Variants in RASEF observed in about 807,000 individuals in gnomAD.
The protein encoded by RASEF is ras and EF-hand domain-containing protein.
A neutral mutation model predicts 90.1 loss-of-function variants in RASEF; 68 were observed. That is an observed-to-expected ratio of 0.75 (90% CI 0.62 to 0.92). The LOEUF (loss-of-function observed/expected upper bound fraction) is 0.92, where lower values mean the gene tolerates loss of function less well. Among genes scored for constraint, RASEF ranks in the 40% least tolerant of loss-of-function variants. RASEF has a pLI of 0.00. For missense variants in RASEF, 949 were observed against 937.2 expected (o/e 1.01, Z -0.16); for synonymous variants, 331 against 345.2 (o/e 0.96, Z 0.46).
the RASEF span, among the ~76,000 whole-genome samples, chr9:83,117,251 C>A: frequency 1.3e-5 from 2 of 152,144 alleles, no homozygotes; most frequent in Non-Finnish European, 2.9e-5. Flanking sequence ...GAGAAGATGG[C>A]AGCCTCTCTC....
intron 1 of RASEF, chr9:83,055,418 G>C (rs151007842): frequency 1.7e-6 from 1 of 591,382 alleles, no homozygotes; most frequent in Non-Finnish European, 3.1e-6. Flanking sequence ...CACGGTGCGC[G>C]CACACACTGG....
the RASEF span, among the ~76,000 whole-genome samples, chr9:83,196,456 C>T: frequency 6.6e-6 from 1 of 152,178 alleles, no homozygotes; most frequent in Non-Finnish European, 1.5e-5. Context: ...CCCTGACTCT[C>T]ATCCACAGCA....
At chr9:83,151,615 G>C in the RASEF span, among the ~76,000 whole-genome samples, 5 of 152,226 alleles carry the variant, frequency 3.3e-5, no homozygotes, top group African/African-American at 1.2e-4. Flanking sequence ...AAGAGACTGA[G>C]TAGTTAAGTC....
the RASEF span, among the ~76,000 whole-genome samples, chr9:83,160,348 G>C: frequency 6.6e-6 from 1 of 152,158 alleles, no homozygotes; most frequent in Non-Finnish European, 1.5e-5. Context: ...ATGGAGATAA[G>C]CAACTTGTTG....
At position 83,062,621 on chromosome 9, in the gene RASEF, A is replaced by C; in HGVS notation, c.247T>G (p.Trp83Gly). 6.4e-7 allele frequency: 1 copy of C among 1,555,260 alleles called. No individual in the cohort carries two copies. The highest frequency in any genetic ancestry group is 8.7e-7 in the Non-Finnish European group (1 of 1,155,234). The change falls in exon 1 of 17, where the codon TGG (tryptophan) becomes GGG (glycine). Residue 83 changes from tryptophan (W) to glycine (G), a missense_variant. Physicochemically the swap from Trp to Gly is radical, Grantham distance 184. This residue lies in a region of RASEF where 656 missense variants were observed against 592.2 expected (regional missense o/e 1.11). Coordinates refer to ENST00000376447, the MANE Select transcript of RASEF (RefSeq NM_152573.4). ...GSLRGGRRRD[W>G]GPLDPAPAVS... Reference sequence around the variant, plus strand: ...GCGGGCGCGGGATCCAGAGGACCCCAGTCCCGGCGCCGCCCCCCGCGGAGG... The same window carrying C: ...GCGGGCGCGGGATCCAGAGGACCCCCGTCCCGGCGCCGCCCCCCGCGGAGG...
At chr9:83,107,503 C>A in the RASEF span, among the ~76,000 whole-genome samples, 2 of 152,174 alleles carry the variant, frequency 1.3e-5, no homozygotes, top group Non-Finnish European at 2.9e-5. Flanking sequence ...CCTCTGTTTT[C>A]TATTTCCATT....
chr9:83,164,240 T>C, the RASEF span, among the ~76,000 whole-genome samples: 1 of 150,362 alleles, frequency 6.7e-6, no homozygotes, highest in Non-Finnish European at 1.5e-5. Context: ...AAAATGAAGA[T>C]AAAATAAAAT....
chr9:83,071,183 A>G, the RASEF span, among the ~76,000 whole-genome samples: 4 of 152,308 alleles, frequency 2.6e-5, no homozygotes, highest in East Asian at 5.8e-4. Flanking sequence ...AAGAACAGAT[A>G]GTCTTGCTTT....
intron 1 of RASEF, among the ~76,000 whole-genome samples, chr9:83,049,105 C>G (rs1829988088): frequency 3.5e-5 from 5 of 144,604 alleles, no homozygotes; most frequent in African/African-American, 1.3e-4. Flanking sequence ...GCCAGGGTGA[C>G]AGAGTGAGAC....
chr9:83,089,620 T>C, the RASEF span, among the ~76,000 whole-genome samples: 2 of 152,186 alleles, frequency 1.3e-5, no homozygotes, highest in Non-Finnish European at 2.9e-5. Context: ...CTGGCCTCCA[T>C]ATTTTGATAA....
chr9:83,187,274 A>T, the RASEF span, among the ~76,000 whole-genome samples: 1 of 152,118 alleles, frequency 6.6e-6, no homozygotes, highest in African/African-American at 2.4e-5. Context: ...AAGTGAGTAT[A>T]CTATACTTTT....
At chr9:83,034,563 T>A (rs1466170566) in intron 1 of RASEF, among the ~76,000 whole-genome samples, 1 of 152,156 alleles carries the variant, frequency 6.6e-6, no homozygotes, top group African/African-American at 2.4e-5. Context: ...CTAGGAACAA[T>A]CCAGATTACA....
At chr9:83,203,346 G>A in the RASEF span, among the ~76,000 whole-genome samples, 2 of 151,856 alleles carry the variant, frequency 1.3e-5, no homozygotes, top group East Asian at 3.9e-4. Context: ...CGCCATCTTG[G>A]CTCACTGCTA....
In RASEF at chr9:83,001,102, C is replaced by T; in HGVS notation, c.1231G>A (p.Asp411Asn). 1 of 1,613,884 alleles carries T rather than the reference C, an allele frequency of 6.2e-7. No individual in the cohort carries two copies. The highest frequency in any genetic ancestry group is 1.1e-5 in the South Asian group (1 of 91,050). Residue 411 changes from aspartate to asparagine, a missense_variant, in exon 10 of 17, where the codon GAC becomes AAC. Coordinates refer to ENST00000376447, the MANE Select transcript of RASEF (RefSeq NM_152573.4). ...RSSRSSYVDEDCDSLALCDPL... is the reference protein window; with the variant it reads ...RSSRSSYVDENCDSLALCDPL... The stretch of plus-strand genomic sequence containing the variant: ...TCACAGAGGGCCAGGGAGTCACAGT[C>T]CTCATCCACATAGGAAGAGCGGGAT...
the RASEF span, among the ~76,000 whole-genome samples, chr9:83,075,655 G>A: frequency 6.6e-6 from 1 of 152,146 alleles, no homozygotes; most frequent in South Asian, 2.1e-4. Flanking sequence ...TTTAGCTCTA[G>A]GGGATGTAAT....
the RASEF span, among the ~76,000 whole-genome samples, chr9:83,081,400 G>T: frequency 6.6e-6 from 1 of 152,046 alleles, no homozygotes; most frequent in Non-Finnish European, 1.5e-5. Context: ...CATGACTCTG[G>T]TTTTTGTTTT....
the RASEF span, among the ~76,000 whole-genome samples, chr9:83,127,944 A>C: frequency 6.6e-6 from 1 of 151,726 alleles, no homozygotes; most frequent in Non-Finnish European, 1.5e-5. Context: ...ATTTGTTCCT[A>C]TTCTTTGATC....
chr9:82,995,423 C>T (rs1238478762), intron 14 of RASEF, among the ~76,000 whole-genome samples: 1 of 152,132 alleles, frequency 6.6e-6, no homozygotes, highest in Non-Finnish European at 1.5e-5. Flanking sequence ...GCCATTGCTC[C>T]TCTATGCACT....
At chr9:83,055,465 A>G (rs1830086104) in intron 1 of RASEF, 3 of 659,402 alleles carry the variant, frequency 4.5e-6, no homozygotes, top group Non-Finnish European at 8.3e-6. Flanking sequence ...AGTGAGATGA[A>G]CCCGGTACCT....
Sources: gnomAD v4.1 joint callset for allele counts (sites outside exome capture counted in the v4.1 genomes callset) on GRCh38, gnomAD v4.1.1 for gene constraint, gnomAD v4.1.1 regional missense constraint, MANE v1.5 for transcripts, NCBI Gene and HGNC (gene_info 2026-07-23, HGNC 2026-07-21) for gene names.